USP54: variants seen among roughly 807,000 people sequenced by gnomAD.
USP54 encodes the protein ubiquitin carboxyl-terminal hydrolase 54.
In USP54, 87 loss-of-function variants were observed where a neutral mutation model predicts 170.5. The observed-to-expected ratio is 0.51, with a 90% CI of 0.43 to 0.61. USP54 has a LOEUF of 0.61. Among genes scored for constraint, USP54 ranks in the 20% least tolerant of loss-of-function variants. The pLI, the probability that USP54 is intolerant of heterozygous loss-of-function variation, is 0.00. For missense variants in USP54, 1,786 were observed against 2,047.8 expected (o/e 0.87, Z 2.47); for synonymous variants, 655 against 742.8 (o/e 0.88, Z 1.92).
chr10:73,585,747 G>A (rs184569872), intron 1 of USP54, among the ~76,000 whole-genome samples: 2 of 152,232 alleles, frequency 1.3e-5, no homozygotes, highest in Admixed American at 6.5e-5. Context: ...TCCTGGCCAG[G>A]CACAGTGGCT....
At chr10:73,565,664 G>C (rs930145757) in intron 4 of USP54, among the ~76,000 whole-genome samples, 1 of 152,102 alleles carries the variant, frequency 6.6e-6, no homozygotes, top group Non-Finnish European at 1.5e-5. Context: ...ACTGATCAGA[G>C]TATACATGAG....
At chr10:73,500,446 G>A (rs908369505) in intron 23 of USP54, among the ~76,000 whole-genome samples, 3 of 152,162 alleles carry the variant, frequency 2.0e-5, no homozygotes, top group Admixed American at 6.5e-5. Context: ...TAGGGGTGCT[G>A]GTCTAAACCC....
intron 1 of USP54, among the ~76,000 whole-genome samples, chr10:73,589,489 A>G (rs1233237057): frequency 6.6e-6 from 1 of 152,198 alleles, no homozygotes; most frequent in Non-Finnish European, 1.5e-5. Context: ...ACCCTATATA[A>G]TAACCTTCTG....
chr10:73,531,681 T>C (rs2063994385), intron 12 of USP54, among the ~76,000 whole-genome samples: 1 of 152,220 alleles, frequency 6.6e-6, no homozygotes, highest in African/African-American at 2.4e-5. Context: ...ATTTCAACTT[T>C]GATTCTCATT....
chr10:73,600,991 A>G (rs1211268123), intron 1 of USP54, among the ~76,000 whole-genome samples: 1 of 152,242 alleles, frequency 6.6e-6, no homozygotes, highest in East Asian at 1.9e-4. Flanking sequence ...TGTAACATGC[A>G]GTTTACCTAT....
chr10:73,563,608 T>G (rs1286909048), intron 4 of USP54, among the ~76,000 whole-genome samples: 1 of 152,092 alleles, frequency 6.6e-6, no homozygotes, highest in African/African-American at 2.4e-5. Flanking sequence ...CAGCTAATTT[T>G]GTATTTTTAG....
rs777972667 is a variant in USP54, at chr10:73,529,636, A to G, written c.2060+44T>C. The G allele has an allele frequency of 3.1e-6, 5 of 1,612,366 alleles. No homozygotes were observed. In the African/African-American group the frequency reaches 5.3e-5, roughly 17 times the overall value. On this transcript the variant is annotated intron_variant, in intron 15 of 23. Transcript: ENST00000687698. ...TGAAAGCCCCAAGTAGGTGGCTCAC[A>G]TTGCTGCAAGAGACAATGTTGCTGT...
intron 1 of USP54, among the ~76,000 whole-genome samples, chr10:73,587,079 G>T (rs560090439): frequency 2.0e-5 from 3 of 152,276 alleles, no homozygotes; most frequent in African/African-American, 7.2e-5. Context: ...AATGACAGCT[G>T]CAGGCTACTT....
chr10:73,505,096 G>C, intron 21 of USP54, 106 bp from the exon 22 acceptor site: 1 of 1,483,706 alleles, frequency 6.7e-7, no homozygotes, highest in Non-Finnish European at 9.3e-7. Flanking sequence ...AGACTCAGTA[G>C]TAATAGACAC....
At chr10:73,593,875 A>T (rs527549844), upstream of USP54, among the ~76,000 whole-genome samples, 137 of 152,266 alleles carry the variant, frequency 9.0e-4, no homozygotes, top group Non-Finnish European at 1.6e-3. Context: ...TTGAAAGAAC[A>T]TTTTGCTTCT....
intron 17 of USP54, 81 bp downstream of exon 17, chr10:73,523,502 G>A (rs2133339129): frequency 5.6e-6 from 8 of 1,435,408 alleles, no homozygotes; most frequent in Middle Eastern, 1.9e-4. Flanking sequence ...AGAGAAGACA[G>A]GGAACTTACA....
At chr10:73,538,122 T>G (rs997907576) in intron 10 of USP54, 2 of 152,072 alleles carry the variant, frequency 1.3e-5, no homozygotes, top group Non-Finnish European at 2.9e-5. Flanking sequence ...CGAGAATCAC[T>G]TGGGCCCGGG....
At chr10:73,562,205 T>C (rs1023386239) in intron 4 of USP54, among the ~76,000 whole-genome samples, 8 of 152,202 alleles carry the variant, frequency 5.3e-5, no homozygotes, top group African/African-American at 1.9e-4. Flanking sequence ...CCTAGAATGG[T>C]TGCAGTGCTT....
At position 73,571,468 on chromosome 10, in the gene USP54, T is replaced by C. The variant is rs2133797826; in HGVS notation, c.193A>G (p.Thr65Ala). The part of the protein sequence containing the change: ...DIFRRSFRQL[T>A]THKCMGDSCI... ...GAATCTCCCATGCACTTGTGAGTTGTAAGCTGCCTAAAGCTACGTCGGAAG... is the reference window on the plus strand; with the variant it reads ...GAATCTCCCATGCACTTGTGAGTTGCAAGCTGCCTAAAGCTACGTCGGAAG... Residue 65 changes from threonine (T) to alanine (A), a missense_variant, in exon 4 of 24, where the codon ACA becomes GCA. By Grantham distance (58) the Thr-to-Ala change is moderately conservative. Coordinates refer to ENST00000687698, the MANE Select transcript of USP54 (RefSeq NM_001391956.1). 6.2e-7 allele frequency: 1 copy of C among 1,614,068 alleles called. No individual in the cohort carries two copies.
chr10:73,521,949 G>A (rs2061968523), intron 17 of USP54, among the ~76,000 whole-genome samples: 1 of 152,154 alleles, frequency 6.6e-6, no homozygotes, highest in South Asian at 2.1e-4. Flanking sequence ...TCATACATTG[G>A]CAGCAAGCTG....
intron 20 of USP54, among the ~76,000 whole-genome samples, chr10:73,512,683 G>A (rs941233954): frequency 3.3e-5 from 5 of 151,766 alleles, no homozygotes; most frequent in Admixed American, 6.6e-5. Flanking sequence ...ATCATGCTCC[G>A]CTTGATTTGA....
intron 4 of USP54, among the ~76,000 whole-genome samples, chr10:73,569,393 GT>G (rs2074547165): frequency 6.6e-6 from 1 of 152,148 alleles, no homozygotes; most frequent in Non-Finnish European, 1.5e-5. Context: ...AGTAAGAAAT[GT>G]TATATTCAAC....
rs928324812 is a variant in USP54 at position 73,542,680 on chromosome 10, G to A, written c.572+123C>T. On this transcript the variant is annotated intron_variant, in intron 7 of 23. Coordinates refer to ENST00000687698, the MANE Select transcript of USP54 (RefSeq NM_001391956.1). ...CAGGAGGCGGAGGTTGCAGTAAGCC[G>A]AGATTGTGCCACTGCACTGCAGCCT... The A allele has an allele frequency of 4.2e-5, 39 of 932,196 alleles. No homozygotes were observed. The Admixed American group carries it at 5.1e-4, about 12-fold the overall frequency. The allele number at this position is 932,196 out of a possible 1,614,324, so 57.7% of individuals were successfully genotyped here.
In USP54 at chr10:73,529,815, C is replaced by G. The variant is rs372860097; in HGVS notation, c.1925G>C (p.Arg642Pro). Residue 642 changes from arginine (R) to proline (P), a missense_variant, in exon 15 of 24, where the codon CGG becomes CCG. Transcript: ENST00000687698. Reference protein sequence around the residue: ...SPQYKRWGPARPGSHLLEQHP... With the variant: ...SPQYKRWGPAPPGSHLLEQHP... ...CTGCTCTAAAAGGTGAGAGCCTGGC[C>G]GTGCTGGGCCCCAGCGCTTGTACTG... The G allele has an allele frequency of 6.2e-7, 1 of 1,611,618 alleles. No individual in the cohort carries two copies. Among genetic ancestry groups the G allele is most frequent in the South Asian group, 1.1e-5 (1 of 90,798 alleles).
Sources: gnomAD v4.1 joint callset for allele counts (sites outside exome capture counted in the v4.1 genomes callset) on GRCh38, gnomAD v4.1.1 for gene constraint, MANE v1.5 for transcripts, NCBI Gene and HGNC (gene_info 2026-07-23, HGNC 2026-07-21) for gene names.